Variants in PHKA2 observed in about 807,000 individuals in gnomAD.
PHKA2 encodes phosphorylase kinase regulatory subunit alpha 2.
A neutral mutation model predicts 102.0 loss-of-function variants in PHKA2; 31 were observed. The observed-to-expected ratio is 0.30, with a 90% CI of 0.23 to 0.41. The LOEUF is 0.41. PHKA2 is among the 10% of genes least tolerant of loss of function. PHKA2 has a pLI of 1.00. For synonymous variants in PHKA2, 455 were observed against 416.2 expected, an observed-to-expected ratio of 1.09 and a Z score of -1.13; for missense variants, 858 against 1,023.1, an observed-to-expected ratio of 0.84 and a Z score of 2.20.
intron 31 of PHKA2, chrX:18,894,808 A>G: frequency 2.6e-6 from 1 of 390,040 alleles, no homozygotes; most frequent in Non-Finnish European, 4.5e-6. Flanking sequence ...GTTGGAGAAA[A>G]GGGCCGAGAA....
rs41311503 is a variant in PHKA2, at chrX:18,905,636, A to G, written c.2908+122T>C. ...GAAGCTTGAGCCTAGGACTCTGTCC[A>G]TCTCCTTCAGGTAGGAGCCTTCTCT... On this transcript the variant is annotated intron_variant, in intron 26 of 32. Coordinates refer to ENST00000379942, the MANE Select transcript of PHKA2 (RefSeq NM_000292.3). The G allele has an allele frequency of 0.016, 9,132 of 567,215 alleles. 70 individuals are homozygous for G. Among genetic ancestry groups the G allele is most frequent in the Non-Finnish European group, 0.021 (6,726 of 315,940 alleles). 46.7% of individuals were successfully genotyped at this position (567,215 alleles called of 1,213,427 possible).
At chrX:18,908,737 T>C in intron 21 of PHKA2, 64 bp downstream of exon 21, 1 of 959,001 alleles carries the variant, frequency 1.0e-6, no homozygotes, top group Non-Finnish European at 1.5e-6. Flanking sequence ...TCATTTCTGT[T>C]GTTCCTAAGC....
Position 18,907,039 on chromosome X carries a change from G to T in PHKA2, c.2576C>A (p.Pro859His), listed in dbSNP as rs1439002591. ...TTACGCAGAGATGATCTTCTCCCGG[G>T]GCTCGGGCGGCAGGCCCACGGTGAG... ...KQLTVGLPPE[P>H]REKIISAPLP... The change falls in exon 23 of 33, where the codon CCC becomes CAC. Residue 859 changes from proline to histidine, a missense_variant. Physicochemically the swap from Pro to His is moderately conservative, Grantham distance 77. Coordinates refer to ENST00000379942, the MANE Select transcript of PHKA2 (RefSeq NM_000292.3). The T allele has an allele frequency of 3.3e-6, 4 of 1,196,336 alleles. No homozygotes were observed. The highest frequency in any genetic ancestry group is 4.5e-6 in the Non-Finnish European group (4 of 887,604).
intron 1 of PHKA2, among the ~76,000 whole-genome samples, chrX:18,981,222 A>G (rs2049167276): frequency 9.0e-6 from 1 of 111,296 alleles, no homozygotes. Context: ...GTGGGGGTGA[A>G]TGGGTGCAAT....
intron 29 of PHKA2, 57 bp downstream of exon 29, chrX:18,899,116 T>C (rs764315786): frequency 5.2e-5 from 54 of 1,028,895 alleles, no homozygotes; most frequent in Admixed American, 1.3e-4. Flanking sequence ...GGTGGGAGCA[T>C]GAGGAAGGAC....
At chrX:18,955,371 G>A (rs2048759196) in intron 1 of PHKA2, among the ~76,000 whole-genome samples, 1 of 97,757 alleles carries the variant, frequency 1.0e-5, no homozygotes, top group Non-Finnish European at 1.9e-5. Flanking sequence ...GTGGCTGCTA[G>A]TAGTTTTTTT....
chrX:18,943,580 G>T (rs1644315277), intron 7 of PHKA2, 130 bp downstream of exon 7: 1 of 579,806 alleles, frequency 1.7e-6, no homozygotes, highest in Non-Finnish European at 3.1e-6. Context: ...CCCATTTTAT[G>T]GGTGAGAAAA....
chrX:18,903,559 G>A (rs960890212), intron 26 of PHKA2, among the ~76,000 whole-genome samples: 1 of 112,546 alleles, frequency 8.9e-6, no homozygotes, highest in South Asian at 3.6e-4. Flanking sequence ...GTCTGGAGGA[G>A]AGCCCATGCC....
chrX:18,900,801 C>T (rs780653426), intron 27 of PHKA2, 102 bp from the exon 28 acceptor site: 22 of 693,494 alleles, frequency 3.2e-5, no homozygotes, highest in Non-Finnish European at 4.6e-5. Context: ...GTTGGTCAAA[C>T]CGCAGGGGGT....
intron 18 of PHKA2, among the ~76,000 whole-genome samples, chrX:18,919,596 T>G (rs2048078895): frequency 9.2e-6 from 1 of 109,025 alleles, no homozygotes; most frequent in Admixed American, 9.9e-5. Context: ...GCCTATAGTC[T>G]TAGCCACTTG....
chrX:18,959,495 T>C (rs2048836347), intron 1 of PHKA2, among the ~76,000 whole-genome samples: 1 of 111,751 alleles, frequency 8.9e-6, no homozygotes, highest in African/African-American at 3.3e-5. Context: ...CTGGTGAAGA[T>C]ATTTTATCAC....
At position 18,919,093 on chromosome X, in the gene PHKA2, G is replaced by C. The variant is rs182950549; in HGVS notation, c.1964-239C>G. Among the ~76,000 whole-genome samples the C allele has an allele frequency of 3.5e-3, 391 of 111,624 alleles. 1 individual carries two copies. Among genetic ancestry groups the C allele is most frequent in the African/African-American group, 0.012 (379 of 30,634 alleles). On this transcript the variant is annotated intron_variant, in intron 18 of 32. Transcript: ENST00000379942. ...TTATCCCAGGAAAAAAAAACTACCA[G>C]TCAAGATAGTGTTTACATCTCGTCC...
At chrX:18,967,359 G>A (rs1347893161) in intron 1 of PHKA2, among the ~76,000 whole-genome samples, 1 of 111,421 alleles carries the variant, frequency 9.0e-6, no homozygotes, top group Non-Finnish European at 1.9e-5. Flanking sequence ...TAGGAGTTAC[G>A]AACACTATGG....
At chrX:18,935,952 T>C (rs2048387036) in intron 11 of PHKA2, 103 bp downstream of exon 11, 1 of 582,125 alleles carries the variant, frequency 1.7e-6, no homozygotes, top group Non-Finnish European at 2.9e-6. Context: ...GGAGAAAAAG[T>C]GTTCATTAGT....
intron 8 of PHKA2, among the ~76,000 whole-genome samples, chrX:18,940,551 C>A (rs923437430): frequency 3.6e-5 from 4 of 111,937 alleles, no homozygotes; most frequent in African/African-American, 1.3e-4. Flanking sequence ...TTAGGACTGT[C>A]GCTGCTGGTT....
At chrX:18,932,839 C>T (rs890368775) in intron 11 of PHKA2, among the ~76,000 whole-genome samples, 5 of 111,554 alleles carry the variant, frequency 4.5e-5, no homozygotes, top group Non-Finnish European at 9.4e-5. Context: ...AAAGGTCAGG[C>T]ATGGTGGCTC....
In PHKA2 at chrX:18,922,639, T is replaced by C. The variant is rs748184004; in HGVS notation, c.1793+1417A>G. Among the ~76,000 whole-genome samples, 9 of 110,922 alleles carry C rather than the reference T, an allele frequency of 8.1e-5. No individual in the cohort carries two copies. The South Asian group carries it at 1.1e-3, about 14-fold the overall frequency. Reference sequence around the variant, plus strand: ...GATAAATGTTGTATGATGCCACTTATATGAGCTATCTGGAGCAGTCAAACT... The same window carrying C: ...GATAAATGTTGTATGATGCCACTTACATGAGCTATCTGGAGCAGTCAAACT... On this transcript the variant is annotated intron_variant, in intron 17 of 32. Transcript: ENST00000379942.
At chrX:18,914,945 A>T (rs1230595223) in intron 19 of PHKA2, among the ~76,000 whole-genome samples, 3 of 111,874 alleles carry the variant, frequency 2.7e-5, no homozygotes, top group Non-Finnish European at 5.6e-5. Flanking sequence ...CAGAAACCTA[A>T]GCAAACCGGA....
chrX:18,937,805 A>G (rs944566847), intron 10 of PHKA2, among the ~76,000 whole-genome samples: 2 of 112,114 alleles, frequency 1.8e-5, no homozygotes, highest in Non-Finnish European at 3.8e-5. Flanking sequence ...GCATAACCTA[A>G]TTTGCCTTTT....
Sources: gnomAD v4.1 joint callset for allele counts (sites outside exome capture counted in the v4.1 genomes callset) on GRCh38, gnomAD v4.1.1 for gene constraint, MANE v1.5 for transcripts, NCBI Gene and HGNC (gene_info 2026-07-23, HGNC 2026-07-21) for gene names.